Variants in TRHDE observed in about 807,000 individuals in gnomAD.
TRHDE encodes thyrotropin-releasing hormone-degrading ectoenzyme.
A neutral mutation model predicts 125.7 loss-of-function variants in TRHDE; 72 were observed. The ratio of observed to expected loss-of-function variants is 0.57; its 90% CI spans 0.47 to 0.70. The LOEUF (loss-of-function observed/expected upper bound fraction) is 0.70. Among genes scored for constraint, TRHDE ranks in the 30% least tolerant of loss-of-function variants. The pLI, the probability that TRHDE is intolerant of heterozygous loss-of-function variation, is 0.00. For synonymous variants in TRHDE, 509 were observed against 509.1 expected (o/e 1.00, Z 0.00); for missense variants, 1,110 against 1,327.1 (o/e 0.84, Z 2.54).
intron 3 of TRHDE, among the ~76,000 whole-genome samples, chr12:72,421,281 G>C (rs1376202115): frequency 6.6e-6 from 1 of 152,134 alleles, no homozygotes; most frequent in Non-Finnish European, 1.5e-5. Context: ...AGATCCTAGG[G>C]CTGGAGGTGA....
At chr12:72,134,779 G>C (rs1875943706) in intron 2 of TRHDE, among the ~76,000 whole-genome samples, 1 of 152,068 alleles carries the variant, frequency 6.6e-6, no homozygotes, top group Non-Finnish European at 1.5e-5. Context: ...AGGGAAATTT[G>C]GGGGCTGGGT....
chr12:72,377,949 CAA>C (rs1871968744), intron 2 of TRHDE, 44 bp from the exon 3 acceptor site: 3 of 1,377,678 alleles, frequency 2.2e-6, no homozygotes, highest in Non-Finnish European at 1.9e-6. Context: ...AGATAAAACT[CAA>C]GTGCTAAAAG....
intron 3 of TRHDE, among the ~76,000 whole-genome samples, chr12:72,446,860 A>G (rs1233125089): frequency 6.6e-6 from 1 of 152,168 alleles, no homozygotes; most frequent in Non-Finnish European, 1.5e-5. Flanking sequence ...ACCCAGATTC[A>G]TAAAGCAAGT....
chr12:72,133,404 C>A (rs866498928), intron 2 of TRHDE, among the ~76,000 whole-genome samples: 1 of 151,998 alleles, frequency 6.6e-6, no homozygotes, highest in East Asian at 1.9e-4. Flanking sequence ...ATTGCTGTGT[C>A]GGGTAGAAGA....
upstream of TRHDE, among the ~76,000 whole-genome samples, chr12:72,269,200 C>G (rs1821765909): frequency 6.6e-6 from 1 of 151,996 alleles, no homozygotes; most frequent in Non-Finnish European, 1.5e-5. Flanking sequence ...GTGCTTGCTT[C>G]TTTGGGAAAG....
chr12:72,646,617 G>T (rs1874291121), intron 15 of TRHDE, among the ~76,000 whole-genome samples: 1 of 152,002 alleles, frequency 6.6e-6, no homozygotes, highest in African/African-American at 2.4e-5. Flanking sequence ...ACACATATAG[G>T]CTGAGAGTGA....
intron 2 of TRHDE, among the ~76,000 whole-genome samples, chr12:72,248,357 G>T (rs1878614928): frequency 7.0e-6 from 1 of 142,822 alleles, no homozygotes; most frequent in Admixed American, 7.5e-5. Flanking sequence ...GGCGGAGGTT[G>T]CAGTGAGCCG....
intron 5 of TRHDE, among the ~76,000 whole-genome samples, chr12:72,483,917 A>G (rs1171271607): frequency 6.6e-6 from 1 of 152,036 alleles, no homozygotes. Context: ...ATTAATAAAA[A>G]TTAATAATTT....
chr12:72,257,916 A>C (rs777980242), intron 2 of TRHDE: 2 of 152,270 alleles, frequency 1.3e-5, no homozygotes, highest in South Asian at 4.1e-4. Flanking sequence ...AAATTGCTGG[A>C]GGTCCACTTC....
At chr12:72,406,123 A>G (rs925179803) in intron 3 of TRHDE, among the ~76,000 whole-genome samples, 1 of 152,182 alleles carries the variant, frequency 6.6e-6, no homozygotes, top group Non-Finnish European at 1.5e-5. Context: ...ATATAAAATA[A>G]TATGCTGTAT....
intron 2 of TRHDE, among the ~76,000 whole-genome samples, chr12:72,119,741 T>C (rs954777562): frequency 3.9e-5 from 6 of 152,188 alleles, no homozygotes; most frequent in Non-Finnish European, 8.8e-5. Flanking sequence ...ATATTTACAA[T>C]TGTTACATCC....
chr12:72,560,855 G>A (rs1450419077), intron 7 of TRHDE: 3 of 151,850 alleles, frequency 2.0e-5, no homozygotes, highest in Non-Finnish European at 2.9e-5. Flanking sequence ...AAAATAAAAT[G>A]CACATTTATA....
At chr12:72,324,043 A>G (rs1417906465) in intron 2 of TRHDE, among the ~76,000 whole-genome samples, 1 of 152,098 alleles carries the variant, frequency 6.6e-6, no homozygotes, top group Non-Finnish European at 1.5e-5. Flanking sequence ...AGTTTGTTCA[A>G]CACTTCCTGT....
chr12:72,443,210 GT>G, intron 3 of TRHDE, among the ~76,000 whole-genome samples: 1 of 151,348 alleles, frequency 6.6e-6, no homozygotes, highest in Non-Finnish European at 1.5e-5. Context: ...GTGTGTGTGT[GT>G]GTGTGTGTGT....
At chr12:72,573,829 T>G (rs955976879) in intron 10 of TRHDE, among the ~76,000 whole-genome samples, 1 of 152,004 alleles carries the variant, frequency 6.6e-6, no homozygotes, top group Non-Finnish European at 1.5e-5. Flanking sequence ...GCAGGAGATA[T>G]AAGATGAACC....
upstream of TRHDE, among the ~76,000 whole-genome samples, chr12:72,268,286 A>G (rs547455215): frequency 2.0e-5 from 3 of 152,160 alleles, no homozygotes; most frequent in African/African-American, 7.2e-5. Context: ...TTTTTCTACT[A>G]CAGTGTGCTT....
rs1226814551 is a variant in TRHDE at position 72,669,369 on chromosome 12, G to C, written c.*6174G>C. 1 of 151,794 alleles carries C rather than the reference G, an allele frequency of 6.6e-6. No homozygotes were observed. Among genetic ancestry groups the C allele is most frequent in the African/African-American group, 2.4e-5 (1 of 41,408 alleles). The allele number at this position is 151,794 out of a possible 1,614,324, so 9.4% of individuals were successfully genotyped here. A position where few individuals can be genotyped will look rare whatever the true frequency, so the allele number is the denominator to read the frequency against. On this transcript the variant is annotated 3_prime_UTR_variant, in exon 19 of 19. Transcript: ENST00000261180. ...ATTTTCAATGGGTTTGCTGTGTGAA[G>C]ATACAGTCTAAGATAAGTGCTTTGA...
chr12:72,087,925 GT>G (rs1874706358), intron 1 of TRHDE, among the ~76,000 whole-genome samples: 1 of 152,100 alleles, frequency 6.6e-6, no homozygotes, highest in Admixed American at 6.6e-5. Context: ...TCTCTACAAG[GT>G]TGAGTTGTCT....
In TRHDE at chr12:72,238,330, AT is replaced by A. The variant is rs1281330719; in HGVS notation, n.279+132579del. Among the ~76,000 whole-genome samples, 120 of 36,652 alleles carry A rather than the reference AT, an allele frequency of 3.3e-3. 19 individuals are homozygous for A. The highest frequency in any genetic ancestry group is 0.029 in the Middle Eastern group (2 of 70). 24.0% of individuals were successfully genotyped at this position (36,652 alleles called of 152,430 possible). On this transcript the variant is annotated intron_variant and non_coding_transcript_variant, in intron 2 of 4. Transcript: ENST00000548156. ...TATATATATATATATATACATATAT[AT>A]ATACACATTATATATATATATATAT...
Sources: gnomAD v4.1 joint callset for allele counts (sites outside exome capture counted in the v4.1 genomes callset) on GRCh38, gnomAD v4.1.1 for gene constraint, MANE v1.5 for transcripts, NCBI Gene and HGNC (gene_info 2026-07-23, HGNC 2026-07-21) for gene names.